The following SNPH variants were observed in gnomAD, a reference collection of about 807,000 sequenced individuals.
SNPH encodes syntaphilin.
Under a neutral mutation model 36.8 loss-of-function variants are expected in SNPH, and 10 were observed. The observed-to-expected ratio is 0.27, with a 90% CI of 0.17 to 0.46. SNPH has a LOEUF of 0.46. Among genes scored for constraint, SNPH ranks in the 20% least tolerant of loss-of-function variants. SNPH has a pLI of 1.00. For missense variants in SNPH, 622 were observed against 744.0 expected, an observed-to-expected ratio of 0.84 and a Z score of 1.91; for synonymous variants, 281 against 312.2, an observed-to-expected ratio of 0.90 and a Z score of 1.05.
intron 2 of SNPH, among the ~76,000 whole-genome samples, chr20:1,283,260 T>A (rs2088247038): frequency 6.6e-6 from 1 of 152,200 alleles, no homozygotes; most frequent in African/African-American, 2.4e-5. Flanking sequence ...CCCAGTGCCC[T>A]GGATTCAGAG....
chr20:1,282,798 A>T (rs1226434957), intron 2 of SNPH, among the ~76,000 whole-genome samples: 1 of 152,204 alleles, frequency 6.6e-6, no homozygotes, highest in African/African-American at 2.4e-5. Flanking sequence ...CACTCAGTTC[A>T]GTCTTCACAA....
chr20:1,304,580 G>T lies in SNPH; in HGVS notation c.441-298G>T, dbSNP rs1249530584. 6.6e-6 allele frequency among the ~76,000 whole-genome samples: 1 copy of T among 151,120 alleles called. No individual in the cohort carries two copies. Among genetic ancestry groups the T allele is most frequent in the Non-Finnish European group, 1.5e-5 (1 of 67,848 alleles). Reference sequence around the variant, plus strand: ...ATGATGGATTTGAATGTTGAGAGTTGTCGGCATTCTGGGGGTGGTGGGGTG... The same window carrying T: ...ATGATGGATTTGAATGTTGAGAGTTTTCGGCATTCTGGGGGTGGTGGGGTG... On this transcript the variant is annotated intron_variant, in intron 6 of 6. Transcript: ENST00000381867. This position sits in a 1 kb window ranked among gnomAD's most constrained non-coding sequence, Gnocchi z 4.3.
At chr20:1,300,156 G>A (rs1039355945) in intron 5 of SNPH, among the ~76,000 whole-genome samples, 2 of 152,216 alleles carry the variant, frequency 1.3e-5, no homozygotes, top group African/African-American at 4.8e-5. Flanking sequence ...TACCGGGATT[G>A]TCTGAGGGGC....
At chr20:1,300,737 TG>T (rs781618285) in intron 6 of SNPH, 26 bp downstream of exon 6, 6 of 1,594,284 alleles carry the variant, frequency 3.8e-6, no homozygotes, top group Non-Finnish European at 5.1e-6. Flanking sequence ...CGAGCAGCCC[TG>T]GGGGTACCCC....
In SNPH at chr20:1,304,773, C is replaced by T; in HGVS notation, c.441-105C>T. On this transcript the variant is annotated intron_variant, in intron 6 of 6. Coordinates refer to ENST00000381867, the MANE Select transcript of SNPH (RefSeq NM_001318234.2). This position sits in a 1 kb window ranked among gnomAD's most constrained non-coding sequence, Gnocchi z 4.3. ...TTTTGGGTTCTGAGCCACAGCAGCA[C>T]AGGGCCCTTCATCCTTGGCAACAGT... The T allele has an allele frequency of 3.8e-6, 4 of 1,062,170 alleles. No homozygotes were observed. The highest frequency in any genetic ancestry group is 5.6e-6 in the Non-Finnish European group (4 of 715,474). 65.8% of individuals were successfully genotyped at this position (1,062,170 alleles called of 1,614,324 possible).
At chr20:1,281,522 T>C (rs2088223072) in intron 2 of SNPH, among the ~76,000 whole-genome samples, 1 of 152,210 alleles carries the variant, frequency 6.6e-6, no homozygotes, top group African/African-American at 2.4e-5. Context: ...GCCCCTACAC[T>C]GTGTGGTCTA....
At chr20:1,292,318 T>A (rs182408713) in intron 2 of SNPH, among the ~76,000 whole-genome samples, 10 of 152,284 alleles carry the variant, frequency 6.6e-5, no homozygotes, top group Admixed American at 6.5e-4. Context: ...CATGTAGAGA[T>A]GCAGATTTGG....
At chr20:1,287,766 C>T (rs2088301220) in intron 2 of SNPH, among the ~76,000 whole-genome samples, 1 of 152,182 alleles carries the variant, frequency 6.6e-6, no homozygotes, top group Admixed American at 6.5e-5. Flanking sequence ...TTTTCCTCAT[C>T]CTGTGATGCT....
At chr20:1,278,206 CTGTG>C (rs1206353835) in intron 2 of SNPH, among the ~76,000 whole-genome samples, 18 of 149,158 alleles carry the variant, frequency 1.2e-4, no homozygotes, top group African/African-American at 4.0e-4. Context: ...GTGTCAGTGT[CTGTG>C]TGTGTGTTTG....
rs1466889158 is a variant in SNPH at position 1,266,840 on chromosome 20, C to T, written c.-493+80C>T. 2 of 1,301,882 alleles carry T rather than the reference C, an allele frequency of 1.5e-6. No individual in the cohort carries two copies. The highest frequency in any genetic ancestry group is 3.1e-5 in the East Asian group (1 of 31,770). The allele number at this position is 1,301,882 out of a possible 1,614,324, so 80.6% of individuals were successfully genotyped here. On this transcript the variant is annotated intron_variant, in intron 2 of 6. Coordinates refer to ENST00000381867, the MANE Select transcript of SNPH (RefSeq NM_001318234.2). This position sits in a 1 kb window ranked among gnomAD's most constrained non-coding sequence, Gnocchi z 6.0. ...GGGGGCCGCTTGCAACCGCTCGCTG[C>T]GGTAGAATCCCTTGGAGGGCACCAG...
intron 2 of SNPH, among the ~76,000 whole-genome samples, chr20:1,292,705 C>G (rs1304325300): frequency 6.6e-6 from 1 of 152,164 alleles, no homozygotes; most frequent in Non-Finnish European, 1.5e-5. Context: ...TGGCCTGCCC[C>G]CCTCCTTCTG....
At chr20:1,286,288 C>T (rs1366254082) in intron 2 of SNPH, among the ~76,000 whole-genome samples, 1 of 152,160 alleles carries the variant, frequency 6.6e-6, no homozygotes, top group Admixed American at 6.5e-5. Context: ...GTGAGCCACA[C>T]TGGGCATTGT....
rs1332719728 is a variant in SNPH, at chr20:1,276,781, G to C, written c.-493+10021G>C. Among the ~76,000 whole-genome samples the C allele has an allele frequency of 1.3e-5, 2 of 152,168 alleles. No homozygotes were observed. The highest frequency in any genetic ancestry group is 4.8e-5 in the African/African-American group (2 of 41,434). ...TCCTCACTGGAGGTATTCAAACTGG[G>C]TCCGGGTGACTGCAGAACAGGAATG... is the stretch of plus-strand genomic sequence containing the variant. On this transcript the variant is annotated intron_variant, in intron 2 of 6. Coordinates refer to ENST00000381867, the MANE Select transcript of SNPH (RefSeq NM_001318234.2). This position sits in a 1 kb window ranked among gnomAD's most constrained non-coding sequence, Gnocchi z 4.6.
At chr20:1,293,410 A>T (rs1249775385) in intron 2 of SNPH, among the ~76,000 whole-genome samples, 1 of 152,160 alleles carries the variant, frequency 6.6e-6, no homozygotes, top group African/African-American at 2.4e-5. Context: ...TCCCACAGTT[A>T]AGGGTTTTCT....
At position 1,286,815 on chromosome 20, in the gene SNPH, C is replaced by A. The variant is rs191642768; in HGVS notation, c.-492-8136C>A. 2.0e-3 allele frequency among the ~76,000 whole-genome samples: 307 copies of A among 152,282 alleles called. 5 individuals carry two copies. Among genetic ancestry groups the A allele is most frequent in the Non-Finnish European group, 1.9e-4 (13 of 68,022 alleles). On this transcript the variant is annotated intron_variant, in intron 2 of 6. Transcript: ENST00000381867. Reference sequence around the variant, plus strand: ...TTTTGTATTACCAGGAACGAGGAAGCTCTCTGATCTCAGGCTGGGTGGGGG... The same window carrying A: ...TTTTGTATTACCAGGAACGAGGAAGATCTCTGATCTCAGGCTGGGTGGGGG...
chr20:1,305,987 G>T lies in SNPH; in HGVS notation c.1550G>T (p.Arg517Leu). The T allele has an allele frequency of 1.9e-6, 3 of 1,541,066 alleles. No individual in the cohort carries two copies. Among genetic ancestry groups the T allele is most frequent in the African/African-American group, 1.4e-5 (1 of 73,084 alleles). The change falls in exon 7 of 7, where the codon CGC (arginine) becomes CTC (leucine). Residue 517 changes from arginine (R) to leucine (L), a missense_variant. Physicochemically the swap from Arg to Leu is moderately radical, Grantham distance 102 (BLOSUM62 -2). Coordinates refer to ENST00000381867, the MANE Select transcript of SNPH (RefSeq NM_001318234.2). ...TGCACTGTGGCCTTGCACTCCATCC[G>T]CAGGATCAGCTGCCGCTCGCTGAGC... ...GCCTVALHSI[R>L]RISCRSLSQP...
At chr20:1,300,083 G>A (rs1296488378) in intron 5 of SNPH, among the ~76,000 whole-genome samples, 1 of 152,174 alleles carries the variant, frequency 6.6e-6, no homozygotes, top group East Asian at 1.9e-4. Flanking sequence ...TTACACCTCA[G>A]TTTCCAGCCT....
In SNPH at chr20:1,305,447, A is replaced by G. The variant is rs144338745; in HGVS notation, c.1010A>G (p.Tyr337Cys). Residue 337 changes from tyrosine (Y) to cysteine (C), a missense_variant, in exon 7 of 7, where the codon TAT (tyrosine) becomes TGT (cysteine). This residue lies in a region of SNPH where 379 missense variants were observed against 427.9 expected (regional missense o/e 0.89). Transcript: ENST00000381867. The part of the protein sequence containing the change: ...LGPRFPASNT[Y>C]EKLLCGMEAG... Reference sequence around the variant, plus strand: ...CCCCGCTTCCCTGCCAGCAACACCTATGAGAAGCTGCTGTGTGGCATGGAG... The same window carrying G: ...CCCCGCTTCCCTGCCAGCAACACCTGTGAGAAGCTGCTGTGTGGCATGGAG... The G allele has an allele frequency of 3.2e-3, 5,128 of 1,613,232 alleles. 36 individuals carry two copies. Among genetic ancestry groups the G allele is most frequent in the Non-Finnish European group, 2.4e-3 (2,830 of 1,180,044 alleles).
Position 1,300,730 on chromosome 20 carries a change from GCAGCC to G in SNPH, c.440+21_440+25del. 1 of 1,602,086 alleles carries G rather than the reference GCAGCC, an allele frequency of 6.2e-7. No individual in the cohort carries two copies. On this transcript the variant is annotated intron_variant, in intron 6 of 6. Transcript: ENST00000381867. ...AGGACCGGTGAGCGGGTGGCCACGA[GCAGCC>G]CTGGGGGTACCCCACCAGCTCCACA...
Sources: gnomAD v4.1 joint callset for allele counts (sites outside exome capture counted in the v4.1 genomes callset) on GRCh38, gnomAD v4.1.1 for gene constraint, gnomAD v4.1.1 regional missense constraint, Gnocchi (gnomAD v3.1) non-coding constraint, MANE v1.5 for transcripts, NCBI Gene and HGNC (gene_info 2026-07-23, HGNC 2026-07-21) for gene names.